The following TRIM69 variants were observed in gnomAD, a reference collection of about 807,000 sequenced individuals.
TRIM69 encodes the protein E3 ubiquitin-protein ligase TRIM69.
In TRIM69, 29 loss-of-function variants were observed where a neutral mutation model predicts 37.7. That is an observed-to-expected ratio of 0.77 (90% CI 0.57 to 1.05). The LOEUF is 1.05. TRIM69 is among the 50% of genes least tolerant of loss of function. TRIM69 has a pLI of 0.00. For missense variants in TRIM69, 596 were observed against 579.9 expected (o/e 1.03, Z -0.28); for synonymous variants, 209 against 212.4 (o/e 0.98, Z 0.14).
intron 2 of TRIM69, 63 bp downstream of exon 2, chr15:44,755,439 T>C: frequency 8.5e-7 from 1 of 1,179,752 alleles, no homozygotes; most frequent in African/African-American, 1.5e-5. Flanking sequence ...TTCATAGGGC[T>C]TCTTCTTTCT....
At chr15:44,737,676 G>A (rs1239846125) in intron 1 of TRIM69, among the ~76,000 whole-genome samples, 2 of 152,126 alleles carry the variant, frequency 1.3e-5, no homozygotes, top group Admixed American at 6.5e-5. Flanking sequence ...GCCTTCTTAT[G>A]TGCAAATGGC....
intron 1 of TRIM69, among the ~76,000 whole-genome samples, chr15:44,742,089 T>C (rs1195575437): frequency 1.3e-5 from 2 of 151,782 alleles, no homozygotes; most frequent in East Asian, 3.9e-4. Context: ...GCAAACTGAA[T>C]CCAGCAGCAC....
intron 1 of TRIM69, among the ~76,000 whole-genome samples, chr15:44,742,275 T>A (rs2087306516): frequency 6.7e-6 from 1 of 149,296 alleles, no homozygotes; most frequent in South Asian, 2.2e-4. Flanking sequence ...CAACGCTTCA[T>A]GCTAAAAACT....
intron 1 of TRIM69, among the ~76,000 whole-genome samples, chr15:44,750,871 C>T (rs573906027): frequency 2.7e-5 from 4 of 149,380 alleles, no homozygotes; most frequent in African/African-American, 9.8e-5. Context: ...ACTACAGGCG[C>T]CTGCCACCAC....
At position 44,758,817 on chromosome 15, in the gene TRIM69, C is replaced by G. The variant is rs551979738; in HGVS notation, c.776C>G (p.Ala259Gly). ...AAGGATATGTTGGTGAGCATTCAGGCAAAGACGGAACAACAGAACTCCTTC... is the reference window on the plus strand; with the variant it reads ...AAGGATATGTTGGTGAGCATTCAGGGAAAGACGGAACAACAGAACTCCTTC... ...LAKDMLVSIQ[A>G]KTEQQNSFDF... is the part of the protein sequence containing the mutation. Residue 259 changes from alanine to glycine, a missense_variant, in exon 4 of 7, where the codon GCA (alanine) becomes GGA (glycine). Ala to Gly is a moderately conservative substitution (Grantham distance 60, BLOSUM62 0). Coordinates refer to ENST00000329464, the MANE Select transcript of TRIM69 (RefSeq NM_182985.5). 413 of 1,613,874 alleles carry G rather than the reference C, an allele frequency of 2.6e-4. 6 individuals are homozygous for G. In the South Asian group the frequency reaches 4.4e-3, roughly 17 times the overall value.
rs983505354 is a variant in TRIM69, at chr15:44,758,506, G to A, written c.580-115G>A. 26 of 1,415,424 alleles carry A rather than the reference G, an allele frequency of 1.8e-5. No individual in the cohort carries two copies. In the Admixed American group the frequency reaches 2.3e-4, roughly 13 times the overall value. The allele number at this position is 1,415,424 out of a possible 1,614,324, so 87.7% of individuals were successfully genotyped here. On this transcript the variant is annotated intron_variant, in intron 3 of 6. Transcript: ENST00000329464. Reference sequence around the variant, plus strand: ...TGAATTTGATATTCAGTAGCCATTTGTATGCATTTTTCTGTGATGGTATTT... The same window carrying A: ...TGAATTTGATATTCAGTAGCCATTTATATGCATTTTTCTGTGATGGTATTT...
intron 1 of TRIM69, among the ~76,000 whole-genome samples, chr15:44,739,342 A>G (rs989544070): frequency 2.0e-5 from 3 of 152,362 alleles, no homozygotes; most frequent in Admixed American, 2.0e-4. Flanking sequence ...CTGAGGTACC[A>G]GTTTCATCTC....
At chr15:44,748,405 GA>G (rs2087451464) in intron 1 of TRIM69, among the ~76,000 whole-genome samples, 1 of 152,146 alleles carries the variant, frequency 6.6e-6, no homozygotes, top group South Asian at 2.1e-4. Context: ...TACACCATTA[GA>G]CCTTTAGGCA....
At chr15:44,764,914 G>T (rs1333040450) in intron 6 of TRIM69, among the ~76,000 whole-genome samples, 1 of 152,216 alleles carries the variant, frequency 6.6e-6, no homozygotes, top group African/African-American at 2.4e-5. Context: ...TGTGGTAGGA[G>T]ATGAAGTAGA....
Position 44,767,535 on chromosome 15 carries a change from T to G in TRIM69, c.1266T>G (p.Thr422=). 6.2e-7 allele frequency: 1 copy of G among 1,614,204 alleles called. No homozygotes were observed. The highest frequency in any genetic ancestry group is 8.5e-7 in the Non-Finnish European group (1 of 1,180,030). The stretch of plus-strand genomic sequence containing the variant: ...GGCTTTTAAGACTAAGGAACCAAAC[T>G]GATCTAAAGGCTCTGGATTTGCCTT... ...GFWLLRLRNQ[T]DLKALDLPSF... The change falls in exon 7 of 7, where the codon ACT becomes ACG. Residue 422 remains threonine (T), a synonymous_variant. Coordinates refer to ENST00000329464, the MANE Select transcript of TRIM69 (RefSeq NM_182985.5).
intron 6 of TRIM69, among the ~76,000 whole-genome samples, chr15:44,762,052 G>A (rs1007223941): frequency 1.4e-4 from 22 of 151,922 alleles, no homozygotes; most frequent in Admixed American, 3.3e-4. Flanking sequence ...TGCAAGCTCC[G>A]CCTCCCAGGT....
At chr15:44,745,166 A>G (rs2141314687) in intron 1 of TRIM69, among the ~76,000 whole-genome samples, 1 of 152,220 alleles carries the variant, frequency 6.6e-6, no homozygotes, top group African/African-American at 2.4e-5. Flanking sequence ...AGGAAGTTGT[A>G]AACTGTGTGT....
Position 44,767,492 on chromosome 15 carries a change from C to T in TRIM69, c.1223C>T (p.Thr408Ile). The change falls in exon 7 of 7, where the codon ACT (threonine) becomes ATT (isoleucine). Residue 408 changes from threonine (T) to isoleucine (I), a missense_variant. Physicochemically the swap from Thr to Ile is moderately conservative, Grantham distance 89. Transcript: ENST00000329464. ...ATTCGGAAGGGCAGCTGTCCTCTAACTCCTGAGCAAGGATTCTGGCTTTTA... is the reference window on the plus strand; with the variant it reads ...ATTCGGAAGGGCAGCTGTCCTCTAATTCCTGAGCAAGGATTCTGGCTTTTA... Reference protein sequence around the residue: ...SIIRKGSCPLTPEQGFWLLRL... With the variant: ...SIIRKGSCPLIPEQGFWLLRL... 1 of 1,614,210 alleles carries T rather than the reference C, an allele frequency of 6.2e-7. No homozygotes were observed. Among genetic ancestry groups the T allele is most frequent in the South Asian group, 1.1e-5 (1 of 91,078 alleles).
chr15:44,739,262 A>G (rs1434306954), intron 1 of TRIM69, among the ~76,000 whole-genome samples: 1 of 152,232 alleles, frequency 6.6e-6, no homozygotes, highest in Non-Finnish European at 1.5e-5. Context: ...AGATGGCTGA[A>G]TAGGAACAGC....
At chr15:44,762,246 G>A (rs886901988) in intron 6 of TRIM69, among the ~76,000 whole-genome samples, 4 of 152,166 alleles carry the variant, frequency 2.6e-5, no homozygotes, top group African/African-American at 9.7e-5. Context: ...GATTACAGGC[G>A]TGAGCCACCG....
intron 6 of TRIM69, among the ~76,000 whole-genome samples, chr15:44,765,906 G>A (rs532708856): frequency 1.3e-5 from 2 of 152,224 alleles, no homozygotes; most frequent in South Asian, 4.2e-4. Flanking sequence ...ATAGCTATTA[G>A]GTCTCCTTTA....
In TRIM69 at chr15:44,767,251, G is replaced by A. The variant is rs750565685; in HGVS notation, c.982G>A (p.Asp328Asn). The A allele has an allele frequency of 6.2e-7, 1 of 1,613,330 alleles. No individual in the cohort carries two copies. Among genetic ancestry groups the A allele is most frequent in the East Asian group, 2.2e-5 (1 of 44,858 alleles). Residue 328 changes from aspartate to asparagine, a missense_variant, in exon 7 of 7, where the codon GAC becomes AAC. Asp to Asn is a conservative substitution (Grantham distance 23, BLOSUM62 1). Transcript: ENST00000329464. ...ACTAGGCCTGTCTCCACTAACTCTG[G>A]ACCCTAAAACAGCTCACCCAAATCT... ...LCPGLSPLTLDPKTAHPNLVL... is the reference protein window; with the variant it reads ...LCPGLSPLTLNPKTAHPNLVL...
chr15:44,754,647 G>A (rs1596027759), intron 1 of TRIM69: 1 of 437,618 alleles, frequency 2.3e-6, no homozygotes, highest in Non-Finnish European at 4.0e-6. Context: ...AGAGAGAGAT[G>A]TACAACAAAG....
intron 3 of TRIM69, 72 bp from the exon 4 acceptor site, chr15:44,758,549 T>G: frequency 2.5e-6 from 4 of 1,582,804 alleles, no homozygotes; most frequent in Non-Finnish European, 3.4e-6. Flanking sequence ...GTGTGAGTGT[T>G]GGTGGTGTGG....
Sources: allele counts gnomAD v4.1 joint callset (sites outside exome capture counted in the v4.1 genomes callset), GRCh38; gene constraint gnomAD v4.1.1; transcripts MANE v1.5; gene names NCBI Gene and HGNC (gene_info 2026-07-23, HGNC 2026-07-21).